MYO1H: variants seen among roughly 807,000 people sequenced by gnomAD.
MYO1H encodes unconventional myosin-Ih.
In MYO1H, 118 loss-of-function variants were observed where a neutral mutation model predicts 149.3. That is an observed-to-expected ratio of 0.79 (90% CI 0.68 to 0.92). MYO1H has a LOEUF of 0.92. MYO1H is among the 40% of genes least tolerant of loss of function. The pLI is 0.00. For synonymous variants in MYO1H, 447 were observed against 465.2 expected, an observed-to-expected ratio of 0.96 and a Z score of 0.50; for missense variants, 1,212 against 1,280.7, an observed-to-expected ratio of 0.95 and a Z score of 0.82.
chr12:109,442,944 C>G (rs1359490750), intron 27 of MYO1H, among the ~76,000 whole-genome samples: 1 of 147,268 alleles, frequency 6.8e-6, no homozygotes, highest in South Asian at 2.1e-4. Context: ...CCTCAGAGGG[C>G]AACGCAGGTA....
At chr12:109,407,871 T>C in exon 10 of MYO1H, 1 of 1,614,028 alleles carries the variant, frequency 6.2e-7, no homozygotes, top group Non-Finnish European at 8.5e-7. Context: ...GACGAACGTT[T>C]ACTTGGCTGG....
chr12:109,361,982 G>T (rs935908584), intron 1 of MYO1H, among the ~76,000 whole-genome samples: 6 of 152,174 alleles, frequency 3.9e-5, no homozygotes, highest in African/African-American at 9.7e-5. Flanking sequence ...ATGAGATTTG[G>T]ACAGGGCAAA....
At chr12:109,334,733 T>G in the MYO1H span, among the ~76,000 whole-genome samples, 3 of 152,240 alleles carry the variant, frequency 2.0e-5, no homozygotes, top group Non-Finnish European at 4.4e-5. Flanking sequence ...CAGTTTTTTC[T>G]TCTGGCTTGT....
At chr12:109,445,487 T>C in intron 30 of MYO1H, 26 bp from the exon 31 acceptor site, 1 of 1,529,514 alleles carries the variant, frequency 6.5e-7, no homozygotes, top group Non-Finnish European at 9.0e-7. Flanking sequence ...AGTATGTCAG[T>C]AATGTGTCAC....
chr12:109,427,661 A>G, intron 19 of MYO1H, 75 bp downstream of exon 19: 2 of 1,053,026 alleles, frequency 1.9e-6, no homozygotes, highest in Non-Finnish European at 3.0e-6. Context: ...TTTAGTGGTA[A>G]ATAAAATGGC....
chr12:109,347,868 G>A (rs983158131), upstream of MYO1H: 1 of 398,770 alleles, frequency 2.5e-6, no homozygotes, highest in South Asian at 1.3e-4. Flanking sequence ...GTTGCTGGAT[G>A]TCAGGCATCA....
At chr12:109,379,223 A>G (rs766794315) in intron 1 of MYO1H, among the ~76,000 whole-genome samples, 22 of 152,232 alleles carry the variant, frequency 1.4e-4, no homozygotes, top group Non-Finnish European at 2.8e-4. Context: ...AGAAGATTCT[A>G]TTTGACAGCA....
chr12:109,412,102 T>C lies in MYO1H; in HGVS notation c.1502+117T>C, dbSNP rs574863712. 1.5e-5 allele frequency: 10 copies of C among 648,846 alleles called. No individual in the cohort carries two copies. In the African/African-American group the frequency reaches 1.8e-4, roughly 12 times the overall value. 40.2% of individuals were successfully genotyped at this position (648,846 alleles called of 1,614,324 possible). A position where few individuals can be genotyped will look rare whatever the true frequency, so the allele number is the denominator to read the frequency against. ...ACTACTTCATACATAAAAATATCTT[T>C]ATGTATACCACTCATAGATGTGCCA... On this transcript the variant is annotated intron_variant, in intron 14 of 31. Coordinates refer to ENST00000310903, the Ensembl canonical transcript of MYO1H.
At chr12:109,426,593 T>C (rs1208835428) in intron 18 of MYO1H, among the ~76,000 whole-genome samples, 1 of 152,094 alleles carries the variant, frequency 6.6e-6, no homozygotes, top group Admixed American at 6.6e-5. Flanking sequence ...TCTCAGAGGT[T>C]GTTCAGTTTC....
chr12:109,413,315 C>A (rs1475586766), intron 14 of MYO1H, among the ~76,000 whole-genome samples: 1 of 152,076 alleles, frequency 6.6e-6, no homozygotes, highest in African/African-American at 2.4e-5. Flanking sequence ...GTTTTCCCTG[C>A]TATACAAGAT....
chr12:109,427,709 T>TCATAACTACAGC, intron 19 of MYO1H, 123 bp downstream of exon 19: 1 of 665,054 alleles, frequency 1.5e-6, no homozygotes, highest in Non-Finnish European at 2.7e-6. Flanking sequence ...TTAACTGCTG[T>TCATAACTACAGC]AGTTATGACA....
chr12:109,403,995 A>C, exon 7 of MYO1H: 1 of 1,613,472 alleles, frequency 6.2e-7, no homozygotes, highest in Non-Finnish European at 8.5e-7. Context: ...CATTGTGCCA[A>C]AGAGTCATCC....
chr12:109,380,906 A>T (rs1869192671), intron 1 of MYO1H, among the ~76,000 whole-genome samples: 1 of 152,214 alleles, frequency 6.6e-6, no homozygotes, highest in Admixed American at 6.5e-5. Flanking sequence ...AGATCACGTC[A>T]TTGCACTCCA....
upstream of MYO1H, among the ~76,000 whole-genome samples, chr12:109,344,780 T>C (rs912319700): frequency 2.5e-4 from 38 of 152,170 alleles, no homozygotes; most frequent in African/African-American, 8.9e-4. Flanking sequence ...AAGACAGACA[T>C]GTAGATCAAT....
In MYO1H at chr12:109,388,815, C is replaced by T. The variant is rs774912701; in HGVS notation, c.145C>T (p.Arg49Cys). The T allele has an allele frequency of 3.6e-5, 58 of 1,612,682 alleles. No homozygotes were observed. Among genetic ancestry groups the T allele is most frequent in the South Asian group, 2.7e-4 (25 of 90,920 alleles). Residue 49 changes from arginine to cysteine, a missense_variant, in exon 2 of 32, where the codon CGC (arginine) becomes TGC (cysteine). Transcript: ENST00000310903. ...CGAATCTGCCTTTGTCGACAACCTC[C>T]GCAAGCGTTTCAGCGAGAACCTCAT...
At chr12:109,327,701 G>T in the MYO1H span, among the ~76,000 whole-genome samples, 1 of 132,256 alleles carries the variant, frequency 7.6e-6, no homozygotes, top group Non-Finnish European at 1.5e-5. Context: ...AGCAGAGATT[G>T]TGCCACTGCA....
the MYO1H span, among the ~76,000 whole-genome samples, chr12:109,329,274 A>G: frequency 1.3e-5 from 2 of 152,254 alleles, no homozygotes; most frequent in African/African-American, 4.8e-5. Context: ...TTAGTGTACA[A>G]TATTGTCCAC....
intron 25 of MYO1H, 105 bp from the exon 26 acceptor site, chr12:109,441,510 C>T: frequency 1.5e-6 from 1 of 677,644 alleles, no homozygotes; most frequent in Non-Finnish European, 2.4e-6. Flanking sequence ...AACAAGGCTC[C>T]CACAGTTTAT....
At chr12:109,417,854 C>T (rs1026021191) in intron 15 of MYO1H, among the ~76,000 whole-genome samples, 2 of 151,884 alleles carry the variant, frequency 1.3e-5, no homozygotes, top group East Asian at 1.9e-4. Flanking sequence ...CTCGCTCTGT[C>T]GCCCAGACTG....
Sources: allele counts gnomAD v4.1 joint callset (sites outside exome capture counted in the v4.1 genomes callset), GRCh38; gene constraint gnomAD v4.1.1; transcripts MANE v1.5; gene names NCBI Gene and HGNC (gene_info 2026-07-23, HGNC 2026-07-21).